HEATR3: variants seen among roughly 807,000 people sequenced by gnomAD.
The protein encoded by HEATR3 is HEAT repeat containing 3.
HEATR3 carries 56 observed loss-of-function variants against 72.8 expected under a neutral mutation model. The observed-to-expected ratio is 0.77, with a 90% CI of 0.62 to 0.96. The LOEUF is 0.96. HEATR3 is among the 40% of genes least tolerant of loss of function. HEATR3 has a pLI of 0.00. For synonymous variants in HEATR3, 331 were observed against 318.1 expected, an observed-to-expected ratio of 1.04 and a Z score of -0.43; for missense variants, 747 against 831.4, an observed-to-expected ratio of 0.90 and a Z score of 1.25.
chr16:50,080,380 G>A (rs2036841066), intron 7 of HEATR3: 1 of 137,776 alleles, frequency 7.3e-6, no homozygotes, highest in Non-Finnish European at 1.6e-5. Flanking sequence ...TGCTTTTGTT[G>A]CCCAAACTGC....
chr16:50,097,398 A>AC (rs2037267191), intron 12 of HEATR3, among the ~76,000 whole-genome samples: 1 of 100,742 alleles, frequency 9.9e-6, no homozygotes, highest in African/African-American at 4.0e-5. Flanking sequence ...GTGACCAGTG[A>AC]TTTTTTTTTT....
In HEATR3 at chr16:50,086,870, A is replaced by C. The variant is rs566640727; in HGVS notation, c.1510+519A>C. Among the ~76,000 whole-genome samples the C allele has an allele frequency of 2.9e-4, 44 of 152,312 alleles. No individual in the cohort carries two copies. The South Asian group carries it at 9.1e-3, about 32-fold the overall frequency. ...CTTGAACCCAGGAGGTGGGGATTGC[A>C]GTGATCTGAGGTTGTGCCATTGCAC... On this transcript the variant is annotated intron_variant, in intron 11 of 14. Coordinates refer to ENST00000299192, the MANE Select transcript of HEATR3 (RefSeq NM_182922.4).
At chr16:50,103,657 C>A (rs77985362) in intron 14 of HEATR3, among the ~76,000 whole-genome samples, 2 of 152,046 alleles carry the variant, frequency 1.3e-5, no homozygotes, top group Non-Finnish European at 2.9e-5. Context: ...CAGATGATAC[C>A]GTTGCACACT....
At chr16:50,072,289 C>T (rs1323659203) in intron 4 of HEATR3, among the ~76,000 whole-genome samples, 1 of 152,120 alleles carries the variant, frequency 6.6e-6, no homozygotes, top group Non-Finnish European at 1.5e-5. Flanking sequence ...CCTGGGTCTT[C>T]ACATTTATAA....
intron 3 of HEATR3, 50 bp from the exon 4 acceptor site, chr16:50,070,124 ATTTG>A (rs2036578606): frequency 7.1e-6 from 6 of 840,950 alleles, no homozygotes; most frequent in Non-Finnish European, 9.6e-6. Context: ...TCATTACCCT[ATTTG>A]TTTAATTCTT....
intron 9 of HEATR3, 124 bp downstream of exon 9, chr16:50,084,415 A>G: frequency 7.8e-7 from 1 of 1,280,772 alleles, no homozygotes; most frequent in Non-Finnish European, 1.1e-6. Flanking sequence ...GATCTGAGAC[A>G]AAGCTGAGCC....
chr16:50,076,042 CTT>C lies in HEATR3; in HGVS notation c.763+334_763+335del, dbSNP rs1371332025. 2.0e-5 allele frequency among the ~76,000 whole-genome samples: 3 copies of C among 151,022 alleles called. No homozygotes were observed. In the East Asian group the frequency reaches 5.8e-4, roughly 29 times the overall value. ...GTTTTTTTTTTTTTAACCACCAACT[CTT>C]TTCTCTGCAGAATGTCTGAATACAG... On this transcript the variant is annotated intron_variant, in intron 6 of 14. Coordinates refer to ENST00000299192, the MANE Select transcript of HEATR3 (RefSeq NM_182922.4).
rs764057233 is a variant in HEATR3, at chr16:50,066,173, C to G, written c.42C>G (p.Phe14Leu). ...SRTKRFKRPQ[F>L]SPTGDCQAEA... ...CGAAGCGCTTCAAGCGACCTCAGTT[C>G]TCCCCTACGGGCGACTGTCAGGCCG... Residue 14 changes from phenylalanine to leucine, a missense_variant, in exon 1 of 15, where the codon TTC (phenylalanine) becomes TTG (leucine). Phe to Leu is a conservative substitution (Grantham distance 22). Transcript: ENST00000299192. 3 of 1,596,258 alleles carry G rather than the reference C, an allele frequency of 1.9e-6. No homozygotes were observed. The highest frequency in any genetic ancestry group is 1.1e-5 in the South Asian group (1 of 88,228).
At chr16:50,078,612 T>C (rs2150603581) in intron 6 of HEATR3, 129 bp from the exon 7 acceptor site, 1 of 834,592 alleles carries the variant, frequency 1.2e-6, no homozygotes, top group Non-Finnish European at 1.8e-6. Flanking sequence ...TAATAAATAA[T>C]GAACAAAGGC....
At chr16:50,093,853 G>C (rs934443138) in intron 11 of HEATR3, among the ~76,000 whole-genome samples, 1 of 152,222 alleles carries the variant, frequency 6.6e-6, no homozygotes, top group Admixed American at 6.6e-5. Context: ...AGGGCTGGAA[G>C]TCATACTGCC....
chr16:50,103,478 T>C (rs564462389), intron 14 of HEATR3, among the ~76,000 whole-genome samples: 1 of 152,310 alleles, frequency 6.6e-6, no homozygotes, highest in Admixed American at 6.5e-5. Flanking sequence ...TTATGTACAA[T>C]CAAGAACTTC....
chr16:50,105,210 A>G lies in HEATR3; in HGVS notation c.*149A>G. The G allele has an allele frequency of 2.4e-6, 2 of 828,638 alleles. No individual in the cohort carries two copies. Among genetic ancestry groups the G allele is most frequent in the Non-Finnish European group, 3.7e-6 (2 of 543,506 alleles). 51.3% of individuals were successfully genotyped at this position (828,638 alleles called of 1,614,324 possible). On this transcript the variant is annotated 3_prime_UTR_variant, in exon 15 of 15. Coordinates refer to ENST00000299192, the MANE Select transcript of HEATR3 (RefSeq NM_182922.4). The stretch of plus-strand genomic sequence containing the variant: ...TAAAAACTTCAAAACCTGGCCAGGC[A>G]TGGTGGCTCACGCCTATAATCCCAG...
chr16:50,101,300 G>C (rs574610366), intron 13 of HEATR3, among the ~76,000 whole-genome samples: 1 of 152,116 alleles, frequency 6.6e-6, no homozygotes, highest in East Asian at 1.9e-4. Context: ...ATTTTTAATA[G>C]AGATGGGGTT....
Position 50,066,189 on chromosome 16 carries a change from T to G in HEATR3, c.58T>G (p.Cys20Gly), listed in dbSNP as rs909376061. 6.3e-7 allele frequency: 1 copy of G among 1,590,852 alleles called. No homozygotes were observed. Among genetic ancestry groups the G allele is most frequent in the Non-Finnish European group, 8.5e-7 (1 of 1,170,222 alleles). The change falls in exon 1 of 15, where the codon TGT (cysteine) becomes GGT (glycine). Residue 20 changes from cysteine (C) to glycine (G), a missense_variant. Transcript: ENST00000299192. ...KRPQFSPTGD[C>G]QAEAAAAANG... ...ACCTCAGTTCTCCCCTACGGGCGACTGTCAGGCCGAGGCGGCTGCGGCGGC... is the reference window on the plus strand; with the variant it reads ...ACCTCAGTTCTCCCCTACGGGCGACGGTCAGGCCGAGGCGGCTGCGGCGGC...
rs186756640 is a variant in HEATR3 at position 50,077,397 on chromosome 16, T to C, written c.764-1344T>C. ...GTCAAACTCCTGAGCTCTTGTAATC[T>C]GCCCACCTTGGCCTCCCAAAGTGCT... On this transcript the variant is annotated intron_variant, in intron 6 of 14. Coordinates refer to ENST00000299192, the MANE Select transcript of HEATR3 (RefSeq NM_182922.4). Among the ~76,000 whole-genome samples, 691 of 150,374 alleles carry C rather than the reference T, an allele frequency of 4.6e-3. 8 individuals are homozygous for C. Among genetic ancestry groups the C allele is most frequent in the African/African-American group, 0.016 (652 of 40,966 alleles).
intron 14 of HEATR3, among the ~76,000 whole-genome samples, chr16:50,103,816 A>G (rs2037420733): frequency 6.6e-6 from 1 of 152,216 alleles, no homozygotes; most frequent in African/African-American, 2.4e-5. Flanking sequence ...ACTCGAGTCC[A>G]GGATTTCAAG....
At chr16:50,097,046 A>G (rs2150624506) in intron 12 of HEATR3, among the ~76,000 whole-genome samples, 1 of 152,290 alleles carries the variant, frequency 6.6e-6, no homozygotes, top group Non-Finnish European at 1.5e-5. Flanking sequence ...TAGAGCCTTA[A>G]TTAGATCCAG....
intron 11 of HEATR3, among the ~76,000 whole-genome samples, chr16:50,093,125 A>C (rs2037156774): frequency 6.6e-6 from 1 of 152,178 alleles, no homozygotes; most frequent in Admixed American, 6.5e-5. Flanking sequence ...ACATATCTGA[A>C]AATGAAAGAG....
At chr16:50,101,106 C>CTTT (rs5816674) in intron 13 of HEATR3, among the ~76,000 whole-genome samples, 114 of 143,970 alleles carry the variant, frequency 7.9e-4, no homozygotes, top group Non-Finnish European at 8.2e-4. Context: ...ACTTGCAAAG[C>CTTT]TTTTTTTTTT....
Sources: allele counts gnomAD v4.1 joint callset (sites outside exome capture counted in the v4.1 genomes callset), GRCh38; gene constraint gnomAD v4.1.1; transcripts MANE v1.5; gene names NCBI Gene and HGNC (gene_info 2026-07-23, HGNC 2026-07-21).